Variants in VWA3A observed in about 807,000 individuals in gnomAD.
VWA3A encodes the protein von Willebrand factor A domain-containing protein 3A.
Under a neutral mutation model 160.4 loss-of-function variants are expected in VWA3A, and 134 were observed. That is an observed-to-expected ratio of 0.84 (90% CI 0.73 to 0.96). The LOEUF (loss-of-function observed/expected upper bound fraction) is 0.96, where lower values mean the gene tolerates loss of function less well. Ranked by LOEUF, VWA3A falls within the 40% of genes least tolerant of loss-of-function variation. The probability of loss-of-function intolerance (pLI) is 0.00; values close to 1 mark genes in which losing one functional copy is unlikely to be tolerated. For synonymous variants in VWA3A, 476 were observed against 543.4 expected (o/e 0.88, Z 1.72); for missense variants, 1,310 against 1,447.9 (o/e 0.90, Z 1.55).
At chr16:22,147,754 T>A in intron 27 of VWA3A, 1 of 687,798 alleles carries the variant, frequency 1.5e-6, no homozygotes, top group Non-Finnish European at 2.6e-6. Flanking sequence ...GATCCAGCGA[T>A]TTCTTTTGTA....
intron 21 of VWA3A, among the ~76,000 whole-genome samples, chr16:22,135,698 T>G (rs1284654853): frequency 1.3e-5 from 2 of 152,182 alleles, no homozygotes; most frequent in Non-Finnish European, 2.9e-5. Context: ...ATTCCTAAGC[T>G]CAGGGCCTTT....
At chr16:22,107,553 G>C (rs2045498659) in intron 6 of VWA3A, among the ~76,000 whole-genome samples, 1 of 152,060 alleles carries the variant, frequency 6.6e-6, no homozygotes, top group African/African-American at 2.4e-5. Context: ...ACCAGCCTGG[G>C]CAATGCAGTA....
intron 3 of VWA3A, among the ~76,000 whole-genome samples, chr16:22,099,191 TAGAG>T (rs1042658698): frequency 3.9e-5 from 6 of 152,078 alleles, no homozygotes; most frequent in African/African-American, 1.4e-4. Flanking sequence ...GTCCATGTGA[TAGAG>T]AGCTGTATTT....
rs541916094 is a variant in VWA3A, at chr16:22,115,311, T to C, written c.690-36T>C. The C allele has an allele frequency of 2.6e-4, 409 of 1,549,516 alleles. 7 individuals are homozygous for C. The South Asian group carries it at 4.6e-3, about 18-fold the overall frequency. On this transcript the variant is annotated intron_variant, in intron 8 of 33. Coordinates refer to ENST00000389398, the MANE Select transcript of VWA3A (RefSeq NM_173615.5). ...TTAAAATGAAATTCAATACAAACAG[T>C]CTTATAATTAGGTTGCTGTTGTTGT...
chr16:22,155,055 G>T (rs1408174019), intron 31 of VWA3A, among the ~76,000 whole-genome samples: 2 of 149,682 alleles, frequency 1.3e-5, no homozygotes, highest in African/African-American at 4.9e-5. Flanking sequence ...TTGGGAGGCT[G>T]AAGTGGGAGG....
intron 16 of VWA3A, among the ~76,000 whole-genome samples, chr16:22,125,591 TTTTTTTTA>T (rs1249658920): frequency 1.3e-5 from 2 of 151,716 alleles, no homozygotes; most frequent in African/African-American, 4.8e-5. Context: ...GCTCGGCTAA[TTTTTTTTA>T]TTTTTAGTAG....
In VWA3A at chr16:22,134,452, A is replaced by T. The variant is rs2141970291; in HGVS notation, c.2139+14A>T. On this transcript the variant is annotated intron_variant, in intron 21 of 33. Transcript: ENST00000389398. ...TACTCCCAAAAGGTATGCCCTGGGC[A>T]TGGGCCAATGACTGCACTGCCTTTT... is the stretch of plus-strand genomic sequence containing the variant. The T allele has an allele frequency of 1.3e-6, 2 of 1,576,952 alleles. No individual in the cohort carries two copies. The highest frequency in any genetic ancestry group is 2.3e-5 in the East Asian group (1 of 43,444).
At chr16:22,154,329 T>C (rs972382232) in intron 31 of VWA3A, among the ~76,000 whole-genome samples, 37 of 135,514 alleles carry the variant, frequency 2.7e-4, no homozygotes, top group African/African-American at 9.3e-4. Context: ...TTTTCTTTTT[T>C]TTTTTTTTTT....
intron 28 of VWA3A, among the ~76,000 whole-genome samples, chr16:22,148,690 G>A (rs1598108646): frequency 6.6e-6 from 1 of 152,012 alleles, no homozygotes; most frequent in Non-Finnish European, 1.5e-5. Flanking sequence ...AGGATCACTT[G>A]AGCCCAGGAG....
At chr16:22,144,152 C>A in intron 25 of VWA3A, 95 bp from the exon 26 acceptor site, 1 of 1,397,470 alleles carries the variant, frequency 7.2e-7, no homozygotes, top group Non-Finnish European at 9.6e-7. Flanking sequence ...AAACATCATA[C>A]AGGTTTCAAA....
intron 2 of VWA3A, 98 bp from the exon 3 acceptor site, chr16:22,097,474 G>T: frequency 6.9e-7 from 1 of 1,452,426 alleles, no homozygotes. Flanking sequence ...AATGTTTCTA[G>T]AATCCTTGTA....
intron 15 of VWA3A, 167 bp downstream of exon 15, chr16:22,123,332 A>C: frequency 8.7e-7 from 1 of 1,152,292 alleles, no homozygotes; most frequent in South Asian, 1.5e-5. Flanking sequence ...TCTCCTCCCC[A>C]AGCAGGGACC....
At position 22,144,771 on chromosome 16, in the gene VWA3A, C is replaced by T. The variant is rs534684890; in HGVS notation, c.2730+387C>T. On this transcript the variant is annotated intron_variant, in intron 26 of 33. Coordinates refer to ENST00000389398, the MANE Select transcript of VWA3A (RefSeq NM_173615.5). ...CATCTCTGAAAAAAAATTAGATTAGCCAGGTGCAGCTGTGTGCCTGTAGTC... is the reference window on the plus strand; with the variant it reads ...CATCTCTGAAAAAAAATTAGATTAGTCAGGTGCAGCTGTGTGCCTGTAGTC... Among the ~76,000 whole-genome samples, 3 of 151,980 alleles carry T rather than the reference C, an allele frequency of 2.0e-5. No individual in the cohort carries two copies. In the South Asian group the frequency reaches 6.2e-4, roughly 32 times the overall value.
At chr16:22,113,271 A>C (rs200663375) in intron 8 of VWA3A, among the ~76,000 whole-genome samples, 1 of 125,422 alleles carries the variant, frequency 8.0e-6, no homozygotes, top group Non-Finnish European at 1.8e-5. Context: ...GGCTCACCAC[A>C]ACATCTGCTT....
At chr16:22,109,114 A>T (rs933851450) in intron 6 of VWA3A, among the ~76,000 whole-genome samples, 2 of 152,226 alleles carry the variant, frequency 1.3e-5, no homozygotes, top group African/African-American at 4.8e-5. Context: ...ATAAATAAGG[A>T]TATAGAGAAA....
intron 6 of VWA3A, 125 bp downstream of exon 6, chr16:22,103,654 A>T (rs2045441779): frequency 9.0e-7 from 1 of 1,108,182 alleles, no homozygotes; most frequent in South Asian, 1.5e-5. Flanking sequence ...GGCATTTACT[A>T]ACCTAAGTAA....
At chr16:22,151,871 A>G (rs2046354303) in intron 30 of VWA3A, among the ~76,000 whole-genome samples, 2 of 152,084 alleles carry the variant, frequency 1.3e-5, no homozygotes, top group African/African-American at 2.4e-5. Flanking sequence ...TGTGTCCTTT[A>G]CAGGCCTAAC....
At chr16:22,135,267 C>G (rs998625723) in intron 21 of VWA3A, among the ~76,000 whole-genome samples, 1 of 152,090 alleles carries the variant, frequency 6.6e-6, no homozygotes, top group Non-Finnish European at 1.5e-5. Flanking sequence ...TCCTTGTCAC[C>G]AGCAATCTCT....
chr16:22,093,245 T>C (rs1901400384), intron 1 of VWA3A, among the ~76,000 whole-genome samples: 1 of 151,912 alleles, frequency 6.6e-6, no homozygotes, highest in African/African-American at 2.4e-5. Context: ...GTAGGAGGGG[T>C]GCGCGGGGGT....
Sources: allele counts gnomAD v4.1 joint callset (sites outside exome capture counted in the v4.1 genomes callset), GRCh38; gene constraint gnomAD v4.1.1; transcripts MANE v1.5; gene names NCBI Gene and HGNC (gene_info 2026-07-23, HGNC 2026-07-21).